Variants in FCGR3A observed in about 807,000 individuals in gnomAD.
The protein encoded by FCGR3A is Fc gamma receptor IIIa.
A neutral mutation model predicts 24.1 loss-of-function variants in FCGR3A; 13 were observed. That is an observed-to-expected ratio of 0.54 (90% CI 0.35 to 0.86). The LOEUF (loss-of-function observed/expected upper bound fraction) is 0.86, where lower values mean the gene tolerates loss of function less well. FCGR3A is among the 40% of genes least tolerant of loss of function. The pLI is 0.01. For missense variants in FCGR3A, 235 were observed against 298.0 expected (o/e 0.79, Z 1.56); for synonymous variants, 93 against 112.2 (o/e 0.83, Z 1.08).
chr1:161,548,965 C>G (rs1177283763), intron 2 of FCGR3A, 46 bp downstream of exon 2: 2 of 1,592,438 alleles, frequency 1.3e-6, no homozygotes, highest in Admixed American at 3.4e-5. Context: ...CCTTTGTCCC[C>G]ATATGTGCCC....
chr1:161,549,854 C>T (rs1478743415), upstream of FCGR3A: 1 of 1,611,844 alleles, frequency 6.2e-7, no homozygotes, highest in Admixed American at 1.7e-5. Context: ...TCTCTGTCAC[C>T]CACCAATTTC....
At chr1:161,543,282 A>C (rs10919555) in intron 4 of FCGR3A, 83 bp from the exon 5 acceptor site, 7 of 1,457,280 alleles carry the variant, frequency 4.8e-6, no homozygotes, top group Non-Finnish European at 6.5e-6. Flanking sequence ...CACCAGTAGA[A>C]AGTCTTTGAC....
chr1:161,545,440 G>C (rs983366087), intron 3 of FCGR3A: 2 of 157,526 alleles, frequency 1.3e-5, no homozygotes, highest in African/African-American at 4.8e-5. Context: ...ATAAGGTGAC[G>C]GTGGCCACGG....
chr1:161,542,640 G>GTT lies in FCGR3A; in HGVS notation c.*370_*371dup. The GTT allele has an allele frequency of 6.0e-6, 1 of 167,194 alleles. No homozygotes were observed. Among genetic ancestry groups the GTT allele is most frequent in the South Asian group, 1.6e-4 (1 of 6,196 alleles). The allele number at this position is 167,194 out of a possible 1,614,324, so 10.4% of individuals were successfully genotyped here. ...CTTATCCATTTATTTAGGAATAATT[G>GTT]TTTTTTTTTCCCCTCTAAACTGGGT... On this transcript the variant is annotated 3_prime_UTR_variant, in exon 5 of 5. Transcript: ENST00000443193.
chr1:161,550,414 A>T (rs1677708420), upstream of FCGR3A: 6 of 183,200 alleles, frequency 3.3e-5, no homozygotes, highest in South Asian at 1.2e-3. Flanking sequence ...TTTCCAGGTT[A>T]GAAGAAACCC....
At chr1:161,548,202 A>G (rs536438316) in intron 3 of FCGR3A, among the ~76,000 whole-genome samples, 2 of 152,410 alleles carry the variant, frequency 1.3e-5, no homozygotes, top group South Asian at 4.1e-4. Flanking sequence ...GAATTGTGCA[A>G]TGCAGCAGTC....
chr1:161,545,816 A>AT (rs1340142568), intron 3 of FCGR3A: 2 of 152,232 alleles, frequency 1.3e-5, no homozygotes, highest in African/African-American at 4.8e-5. Context: ...GGTAAGTATT[A>AT]TAATGGCATA....
intron 3 of FCGR3A, chr1:161,545,452 G>A (rs1486316657): frequency 6.3e-6 from 1 of 157,532 alleles, no homozygotes; most frequent in Non-Finnish European, 1.4e-5. Context: ...TGGCCACGGA[G>A]TGGCTGCAGA....
chr1:161,545,017 G>A, intron 3 of FCGR3A, 59 bp from the exon 4 acceptor site: 1 of 1,591,626 alleles, frequency 6.3e-7, no homozygotes, highest in Non-Finnish European at 8.6e-7. Context: ...AGAGCTTTGT[G>A]AAGGGGCCAC....
At chr1:161,549,061 A>C (rs1323232299) in intron 1 of FCGR3A, 30 bp from the exon 2 acceptor site, 3 of 1,572,424 alleles carry the variant, frequency 1.9e-6, no homozygotes, top group Non-Finnish European at 2.6e-6. Context: ...TCAAATATTG[A>C]GTAGGGGCAG....
At chr1:161,543,864 A>C (rs1295194487) in intron 4 of FCGR3A, among the ~76,000 whole-genome samples, 1 of 152,246 alleles carries the variant, frequency 6.6e-6, no homozygotes, top group African/African-American at 2.4e-5. Flanking sequence ...GTGAAACTGG[A>C]AAGTCCAGGC....
intron 1 of FCGR3A, among the ~76,000 whole-genome samples, chr1:161,549,345 C>G (rs1358223667): frequency 6.6e-6 from 1 of 151,970 alleles, no homozygotes; most frequent in Non-Finnish European, 1.5e-5. Flanking sequence ...CAACCCATAT[C>G]CCCACAAGAA....
chr1:161,549,516 A>G (rs1016831424), intron 1 of FCGR3A, among the ~76,000 whole-genome samples, 181 bp downstream of exon 1: 15 of 151,988 alleles, frequency 9.9e-5, no homozygotes, highest in Non-Finnish European at 8.8e-5. Flanking sequence ...CCCCAATTGG[A>G]ACCAGCATTC....
intron 3 of FCGR3A, among the ~76,000 whole-genome samples, chr1:161,547,636 T>C (rs1454473822): frequency 1.3e-5 from 2 of 152,174 alleles, no homozygotes; most frequent in African/African-American, 4.8e-5. Flanking sequence ...TAATTATAGG[T>C]TTGAGTATAG....
rs746897776 is a variant in FCGR3A, at chr1:161,549,709, G to C, written c.28C>G (p.Leu10Val). 5 of 1,613,870 alleles carry C rather than the reference G, an allele frequency of 3.1e-6. No homozygotes were observed. In the Admixed American group the frequency reaches 6.7e-5, roughly 22 times the overall value. The change falls in exon 1 of 5, where the codon CTG (leucine) becomes GTG (valine). Residue 10 changes from leucine to valine, a missense_variant. Leu to Val is a conservative substitution (Grantham distance 32, BLOSUM62 1). Transcript: ENST00000443193. MWQLLLPTA[L>V]LLLVSAGMRT... ...GACCCTGACTTACCTAGAAGTAGCA[G>C]AGCAGTTGGGAGGAGCAGCTGCCAC...
intron 4 of FCGR3A, among the ~76,000 whole-genome samples, chr1:161,543,407 T>G (rs991278605): frequency 6.6e-6 from 1 of 152,146 alleles, no homozygotes; most frequent in Non-Finnish European, 1.5e-5. Context: ...CACCAAACAC[T>G]GAGCAAAGGC....
chr1:161,550,107 A>G (rs1677691537), upstream of FCGR3A: 2 of 548,496 alleles, frequency 3.6e-6, no homozygotes, highest in Non-Finnish European at 6.4e-6. Flanking sequence ...CAAGAATGGG[A>G]CAGTGAGACC....
Position 161,543,002 on chromosome 1 carries a change from G to T in FCGR3A, c.*10C>A. 1 of 1,589,102 alleles carries T rather than the reference G, an allele frequency of 6.3e-7. No individual in the cohort carries two copies. The highest frequency in any genetic ancestry group is 8.6e-7 in the Non-Finnish European group (1 of 1,161,578). On this transcript the variant is annotated 3_prime_UTR_variant, in exon 5 of 5. Coordinates refer to ENST00000443193, the MANE Select transcript of FCGR3A (RefSeq NM_000569.8). ...CTGCTACTGCTCTTATTACCCCCAT[G>T]GGATGGGGGTCATTTGTCTTGAGGG...
At position 161,548,600 on chromosome 1, in the gene FCGR3A, C is replaced by A. The variant is rs775885096; in HGVS notation, c.140G>T (p.Cys47Phe). The A allele has an allele frequency of 1.2e-6, 2 of 1,613,988 alleles. No homozygotes were observed. Among genetic ancestry groups the A allele is most frequent in the Non-Finnish European group, 1.7e-6 (2 of 1,179,862 alleles). Residue 47 changes from cysteine to phenylalanine, a missense_variant, in exon 3 of 5, where the codon TGC becomes TTC. By Grantham distance (205) the Cys-to-Phe change is radical. Coordinates refer to ENST00000443193, the MANE Select transcript of FCGR3A (RefSeq NM_000569.8). ...GTCCTCAGGGGAGTAGGCTCCCTGG[C>A]ACTTCAGAGTCACACTGTCCTTCTC... is the stretch of plus-strand genomic sequence containing the variant. ...VLEKDSVTLK[C>F]QGAYSPEDNS... is the part of the protein sequence containing the mutation.
Sources: allele counts gnomAD v4.1 joint callset (sites outside exome capture counted in the v4.1 genomes callset), GRCh38; gene constraint gnomAD v4.1.1; transcripts MANE v1.5; gene names NCBI Gene and HGNC (gene_info 2026-07-23, HGNC 2026-07-21).